UNC13A: variants seen among roughly 807,000 people sequenced by gnomAD.
The protein encoded by UNC13A is protein unc-13 homolog A.
A neutral mutation model predicts 219.7 loss-of-function variants in UNC13A; 61 were observed. The observed-to-expected ratio is 0.28, with a 90% CI of 0.23 to 0.34. The LOEUF (loss-of-function observed/expected upper bound fraction) is 0.34, where lower values mean the gene tolerates loss of function less well. Among genes scored for constraint, UNC13A ranks in the 10% least tolerant of loss-of-function variants. The pLI is 1.00. For synonymous variants in UNC13A, 920 were observed against 884.6 expected, an observed-to-expected ratio of 1.04 and a Z score of -0.71; for missense variants, 1,476 against 2,270.3, an observed-to-expected ratio of 0.65 and a Z score of 7.11.
intron 41 of UNC13A, chr19:17,616,569 C>T: frequency 2.0e-6 from 1 of 502,070 alleles, no homozygotes; most frequent in East Asian, 3.4e-5. Flanking sequence ...GTGGAGGGGG[C>T]AGGGGAGGCG....
At chr19:17,660,576 G>A (rs1182992669) in intron 8 of UNC13A, among the ~76,000 whole-genome samples, 1 of 146,590 alleles carries the variant, frequency 6.8e-6, no homozygotes, top group Non-Finnish European at 1.5e-5. Flanking sequence ...CTGTCACCCA[G>A]GCTGGAGTGC....
At chr19:17,669,239 T>C (rs2079729260) in intron 5 of UNC13A, among the ~76,000 whole-genome samples, 1 of 152,078 alleles carries the variant, frequency 6.6e-6, no homozygotes. Context: ...TCTCCTCCTA[T>C]CCCCAGTTCA....
At chr19:17,675,980 C>A in intron 2 of UNC13A, 32 bp downstream of exon 2, 2 of 1,550,658 alleles carry the variant, frequency 1.3e-6, no homozygotes. Context: ...AGACAGACAA[C>A]ACGGGACAGG....
At chr19:17,633,003 A>G (rs903758977) in intron 27 of UNC13A, 95 bp from the exon 28 acceptor site, 10 of 1,606,998 alleles carry the variant, frequency 6.2e-6, no homozygotes, top group Middle Eastern at 3.5e-4. Flanking sequence ...CTGATTTCCA[A>G]CTCAGGCATG....
chr19:17,670,188 C>T (rs1425008305), intron 4 of UNC13A, among the ~76,000 whole-genome samples: 2 of 151,448 alleles, frequency 1.3e-5, no homozygotes, highest in Non-Finnish European at 2.9e-5. Flanking sequence ...CCTCGTGATC[C>T]ACCCATCTCG....
At chr19:17,659,016 G>A (rs1184464128) in intron 8 of UNC13A, among the ~76,000 whole-genome samples, 1 of 151,922 alleles carries the variant, frequency 6.6e-6, no homozygotes, top group South Asian at 2.1e-4. Context: ...CAACATGTCT[G>A]GGTGGTGGCA....
At chr19:17,607,928 G>A (rs975791748) in intron 43 of UNC13A, among the ~76,000 whole-genome samples, 1 of 143,908 alleles carries the variant, frequency 6.9e-6, no homozygotes, top group Non-Finnish European at 1.5e-5. Context: ...CGCCCAGGCT[G>A]GAGTGCCGTG....
At chr19:17,608,383 AATATAT>A (rs35540356) in intron 43 of UNC13A, among the ~76,000 whole-genome samples, 3 of 124,160 alleles carry the variant, frequency 2.4e-5, no homozygotes, top group Non-Finnish European at 5.0e-5. Context: ...TATGTATATA[AATATAT>A]ATATATTTAT....
chr19:17,632,097 G>C (rs561021157), intron 28 of UNC13A, among the ~76,000 whole-genome samples: 2 of 152,284 alleles, frequency 1.3e-5, no homozygotes, highest in South Asian at 4.1e-4. Context: ...TTTTAGTAGA[G>C]ACAGGGTCTC....
chr19:17,633,315 C>A, intron 26 of UNC13A, 122 bp from the exon 27 acceptor site: 1 of 839,964 alleles, frequency 1.2e-6, no homozygotes, highest in Non-Finnish European at 1.9e-6. Context: ...GTTCAGGTTC[C>A]CTCATAGCCA....
At chr19:17,639,328 G>T (rs1599362995) in intron 24 of UNC13A, 108 bp downstream of exon 24, 1 of 1,571,416 alleles carries the variant, frequency 6.4e-7, no homozygotes, top group Non-Finnish European at 8.6e-7. Context: ...AAAGGAAAAG[G>T]TTACTGAGAA....
intron 17 of UNC13A, 75 bp from the exon 18 acceptor site, chr19:17,646,186 C>T: frequency 6.3e-7 from 1 of 1,576,376 alleles, no homozygotes; most frequent in Admixed American, 1.7e-5. Context: ...CTGCCACACG[C>T]TGCAGGCTGA....
At chr19:17,628,965 T>A (rs1599349471) in intron 31 of UNC13A, among the ~76,000 whole-genome samples, 1 of 149,362 alleles carries the variant, frequency 6.7e-6, no homozygotes, top group East Asian at 2.0e-4. Context: ...GTGCACAGAC[T>A]CACACACACA....
chr19:17,672,517 C>T lies in UNC13A; in HGVS notation c.153-22G>A, dbSNP rs556017061. 31 of 1,604,518 alleles carry T rather than the reference C, an allele frequency of 1.9e-5. No homozygotes were observed. In the African/African-American group the frequency reaches 2.1e-4, roughly 11 times the overall value. On this transcript the variant is annotated intron_variant, in intron 3 of 43. Coordinates refer to ENST00000519716, the MANE Select transcript of UNC13A (RefSeq NM_001080421.3). ...CTCGCTGCAGAAAAAGGAGAGGGGG[C>T]GTCGAGGGAGCAGGAGGGAGGAAAC...
At chr19:17,614,636 CT>C (rs939587340) in intron 41 of UNC13A, among the ~76,000 whole-genome samples, 17 of 152,014 alleles carry the variant, frequency 1.1e-4, no homozygotes, top group Non-Finnish European at 2.4e-4. Context: ...CAGTCAAACG[CT>C]GATTGGGTTA....
chr19:17,638,826 T>G (rs1276194427), intron 25 of UNC13A, among the ~76,000 whole-genome samples: 1 of 151,128 alleles, frequency 6.6e-6, no homozygotes, highest in Non-Finnish European at 1.5e-5. Flanking sequence ...TGAAACTTTA[T>G]CTCAAAAAAA....
Position 17,602,129 on chromosome 19 carries a change from TGA to T in UNC13A, c.*3923_*3924del, listed in dbSNP as rs1186436517. 1.3e-5 allele frequency: 2 copies of T among 152,494 alleles called. No individual in the cohort carries two copies. Among genetic ancestry groups the T allele is most frequent in the Admixed American group, 6.6e-5 (1 of 15,240 alleles). 9.4% of individuals were successfully genotyped at this position (152,494 alleles called of 1,614,324 possible). ...TGGTGAGGTCTCAGGCTCTGGGGCC[TGA>T]GAGAGGAATTGGGGGTGTGGACAGG... On this transcript the variant is annotated 3_prime_UTR_variant, in exon 44 of 44. Transcript: ENST00000519716.
intron 31 of UNC13A, chr19:17,628,280 T>C (rs2076804624): frequency 3.1e-6 from 1 of 318,694 alleles, no homozygotes; most frequent in East Asian, 6.8e-5. Context: ...AAGGCTTCAT[T>C]TGCAACAGCC....
intron 17 of UNC13A, among the ~76,000 whole-genome samples, 162 bp from the exon 18 acceptor site, chr19:17,646,273 T>G (rs186710747): frequency 1.6e-3 from 239 of 149,366 alleles, no homozygotes; most frequent in Non-Finnish European, 2.3e-3. Flanking sequence ...TTTTGTGTGT[T>G]TGTTTGTTTG....
Sources: allele counts gnomAD v4.1 joint callset (sites outside exome capture counted in the v4.1 genomes callset), GRCh38; gene constraint gnomAD v4.1.1; transcripts MANE v1.5; gene names NCBI Gene and HGNC (gene_info 2026-07-23, HGNC 2026-07-21).